PLAT: variants seen among roughly 807,000 people sequenced by gnomAD.
PLAT encodes the protein tissue-type plasminogen activator.
A neutral mutation model predicts 74.9 loss-of-function variants in PLAT; 48 were observed. That is an observed-to-expected ratio of 0.64 (90% CI 0.51 to 0.82). The LOEUF is 0.82. PLAT is among the 40% of genes least tolerant of loss of function. The pLI is 0.00. For missense variants in PLAT, 673 were observed against 736.2 expected (o/e 0.91, Z 0.99); for synonymous variants, 307 against 294.4 (o/e 1.04, Z -0.44).
chr8:42,191,443 A>T (rs1185211734), intron 2 of PLAT, 29 bp from the exon 3 acceptor site: 7 of 1,610,754 alleles, frequency 4.3e-6, no homozygotes, highest in Non-Finnish European at 5.9e-6. Flanking sequence ...TGGAGGAAGG[A>T]TCAGCACATG....
chr8:42,203,347 C>T (rs969696812), intron 1 of PLAT, among the ~76,000 whole-genome samples: 2 of 152,190 alleles, frequency 1.3e-5, no homozygotes, highest in African/African-American at 2.4e-5. Context: ...TTAGCCAAGT[C>T]GCTGCTGGGT....
intron 1 of PLAT, among the ~76,000 whole-genome samples, chr8:42,196,395 G>C (rs1805906484): frequency 6.6e-6 from 1 of 152,208 alleles, no homozygotes; most frequent in South Asian, 2.1e-4. Flanking sequence ...CAGGGCGATA[G>C]CTCTGTCCGC....
In PLAT at chr8:42,180,692, A is replaced by G. The variant is rs759501684; in HGVS notation, c.890-7T>C. ...TGTCTCAGGCCGCAGGTGGCTGGGG[A>G]GGAAAGGACGAGGAGGCAGTCAGTC... On this transcript the variant is annotated splice_polypyrimidine_tract_variant and splice_region_variant and intron_variant, in intron 9 of 13. Transcript: ENST00000220809. The G allele has an allele frequency of 1.3e-6, 2 of 1,554,104 alleles. No homozygotes were observed. The highest frequency in any genetic ancestry group is 1.7e-6 in the Non-Finnish European group (2 of 1,149,190).
At chr8:42,185,036 C>T in intron 7 of PLAT, 45 bp downstream of exon 7, 1 of 1,348,028 alleles carries the variant, frequency 7.4e-7, no homozygotes, top group Non-Finnish European at 1.0e-6. Flanking sequence ...CTGGACTTTC[C>T]TCCCCCAGGG....
At chr8:42,184,927 G>C (rs150728977) in intron 7 of PLAT, 154 bp downstream of exon 7, 6 of 536,174 alleles carry the variant, frequency 1.1e-5, no homozygotes, top group Admixed American at 3.6e-5. Flanking sequence ...CCCAGGCACA[G>C]ACCTAAGTCC....
chr8:42,187,841 T>C, intron 5 of PLAT, 65 bp downstream of exon 5: 2 of 1,163,660 alleles, frequency 1.7e-6, no homozygotes, highest in East Asian at 4.7e-5. Flanking sequence ...TGCCTTTCCT[T>C]CCGGGGGCGG....
rs546471518 is a variant in PLAT at position 42,194,379 on chromosome 8, G to A, written c.-26-1168C>T. Among the ~76,000 whole-genome samples, 458 of 152,206 alleles carry A rather than the reference G, an allele frequency of 3.0e-3. 2 individuals carry two copies. The highest frequency in any genetic ancestry group is 0.01 in the African/African-American group (420 of 41,506). On this transcript the variant is annotated intron_variant, in intron 1 of 13. Coordinates refer to ENST00000220809, the MANE Select transcript of PLAT (RefSeq NM_000930.5). ...GCCTCCCAAAGTGCTGGGATCAGGC[G>A]TGAGCCACCGCGCCCAGCATTTTTC...
chr8:42,196,479 C>T (rs962403599), intron 1 of PLAT, among the ~76,000 whole-genome samples: 1 of 152,146 alleles, frequency 6.6e-6, no homozygotes. Context: ...AGTCATCCGG[C>T]CAGCAGAAAA....
At chr8:42,205,530 A>T (rs1255022353) in intron 1 of PLAT, among the ~76,000 whole-genome samples, 1 of 152,186 alleles carries the variant, frequency 6.6e-6, no homozygotes, top group East Asian at 1.9e-4. Context: ...CCGTCTCAAA[A>T]AAAAAAGTAG....
intron 7 of PLAT, 40 bp from the exon 8 acceptor site, chr8:42,182,930 T>C: frequency 1.3e-6 from 2 of 1,546,718 alleles, no homozygotes; most frequent in Non-Finnish European, 1.8e-6. Context: ...AAAAACAAAT[T>C]CTGAAGCACG....
rs1205296748 is a variant in PLAT at position 42,180,311 on chromosome 8, GCTC to G, written c.1150_1152del (p.Glu384del). ...ATGTATTTTTCGACTTCAAATTTCT[GCTC>G]CTCCTCGCCAGGGACCACCCGGTAT... On this transcript the variant is annotated inframe_deletion, in exon 11 of 14. Coordinates refer to ENST00000220809, the MANE Select transcript of PLAT (RefSeq NM_000930.5). The G allele has an allele frequency of 2.5e-6, 4 of 1,614,120 alleles. No homozygotes were observed. The highest frequency in any genetic ancestry group is 1.3e-5 in the African/African-American group (1 of 75,050).
intron 1 of PLAT, among the ~76,000 whole-genome samples, chr8:42,207,287 C>T (rs1420448136): frequency 6.6e-6 from 1 of 152,204 alleles, no homozygotes; most frequent in Non-Finnish European, 1.5e-5. Context: ...ACTGCCTCTC[C>T]CCTCCAAAAC....
intron 3 of PLAT, among the ~76,000 whole-genome samples, chr8:42,189,928 T>TC (rs1175727664): frequency 6.6e-6 from 1 of 151,418 alleles, no homozygotes; most frequent in African/African-American, 2.4e-5. Flanking sequence ...CTTTTTCTTT[T>TC]TTTTTTTCGA....
chr8:42,182,054 T>A (rs1312275071), intron 8 of PLAT, 32 bp from the exon 9 acceptor site: 1 of 1,369,870 alleles, frequency 7.3e-7, no homozygotes, highest in East Asian at 2.3e-5. Context: ...GGTTTCCTTT[T>A]TATCTTCTTA....
rs1332158066 is a variant in PLAT, at chr8:42,180,370, G to A, written c.1094C>T (p.Pro365Leu). The change falls in exon 11 of 14, where the codon CCC (proline) becomes CTC (leucine). Residue 365 changes from proline (P) to leucine (L), a missense_variant. By Grantham distance (98) the Pro-to-Leu change is moderately conservative. Coordinates refer to ENST00000220809, the MANE Select transcript of PLAT (RefSeq NM_000930.5). ...AAHCFQERFP[P>L]HHLTVILGRT... ...GCCCAAGATCACCGTCAGGTGGTGG[G>A]GCGGAAACCTGGTGGAGAAACAGCC... is the stretch of plus-strand genomic sequence containing the variant. The A allele has an allele frequency of 1.9e-6, 3 of 1,614,220 alleles. No individual in the cohort carries two copies. The highest frequency in any genetic ancestry group is 4.5e-5 in the East Asian group (2 of 44,884).
At chr8:42,194,819 A>G (rs1805844402) in intron 1 of PLAT, among the ~76,000 whole-genome samples, 1 of 120,398 alleles carries the variant, frequency 8.3e-6, no homozygotes. Flanking sequence ...CTGCCAGAAC[A>G]TCTGTCTCCT....
intron 5 of PLAT, 108 bp from the exon 6 acceptor site, chr8:42,187,680 C>T (rs1805537391): frequency 8.9e-7 from 1 of 1,127,044 alleles, no homozygotes; most frequent in Non-Finnish European, 1.2e-6. Context: ...TGCAGGCTGG[C>T]TCGGAAGCCA....
chr8:42,196,815 C>A (rs1805927045), intron 1 of PLAT, among the ~76,000 whole-genome samples: 2 of 148,704 alleles, frequency 1.3e-5, no homozygotes, highest in South Asian at 4.2e-4. Context: ...TTAGTAGCTT[C>A]TCAGGATCAT....
At chr8:42,184,943 T>G in intron 7 of PLAT, 138 bp downstream of exon 7, 1 of 567,236 alleles carries the variant, frequency 1.8e-6, no homozygotes, top group South Asian at 2.4e-5. Context: ...AGTCCTGTCT[T>G]TCTTCCCTCT....
Sources: gnomAD v4.1 joint callset for allele counts (sites outside exome capture counted in the v4.1 genomes callset) on GRCh38, gnomAD v4.1.1 for gene constraint, MANE v1.5 for transcripts, NCBI Gene and HGNC (gene_info 2026-07-23, HGNC 2026-07-21) for gene names.